Variants in LRP1B observed in about 807,000 individuals in gnomAD.
The protein encoded by LRP1B is LDL receptor related protein 1B, also known as low-density lipoprotein receptor-related protein 1B.
Under a neutral mutation model 556.6 loss-of-function variants are expected in LRP1B, and 217 were observed. That is an observed-to-expected ratio of 0.39 (90% CI 0.35 to 0.44). The LOEUF is 0.44. LRP1B is among the 20% of genes least tolerant of loss of function. The probability of loss-of-function intolerance (pLI) is 1.00; values close to 1 mark genes in which losing one functional copy is unlikely to be tolerated. For missense variants in LRP1B, 5,053 were observed against 5,620.8 expected, an observed-to-expected ratio of 0.90 and a Z score of 3.23; for synonymous variants, 2,047 against 1,865.8, an observed-to-expected ratio of 1.10 and a Z score of -2.50.
At chr2:140,536,347 A>AT (rs1690972386) in intron 46 of LRP1B, among the ~76,000 whole-genome samples, 1 of 129,352 alleles carries the variant, frequency 7.7e-6, no homozygotes, top group Non-Finnish European at 1.6e-5. Context: ...AAAAAAGGCT[A>AT]TTTTGTGGAT....
intron 41 of LRP1B, among the ~76,000 whole-genome samples, chr2:140,687,428 T>C (rs1338946477): frequency 6.6e-6 from 1 of 152,184 alleles, no homozygotes; most frequent in Non-Finnish European, 1.5e-5. Flanking sequence ...TATGCTATCC[T>C]AGGCGTTGCA....
Position 141,660,236 on chromosome 2 carries a change from C to T in LRP1B, c.205+150043G>A, listed in dbSNP as rs115368328. ...CTGGGAGCCGGAACAAGGGGAGCTC[C>T]CACCCCCAGCCAAGGGAGGCGGTGA... On this transcript the variant is annotated intron_variant, in intron 2 of 90. Transcript: ENST00000389484. Among the ~76,000 whole-genome samples, 486 of 152,170 alleles carry T rather than the reference C, an allele frequency of 3.2e-3. 4 individuals carry two copies. The highest frequency in any genetic ancestry group is 0.011 in the African/African-American group (468 of 41,530).
chr2:141,248,982 G>C (rs1304302166), intron 4 of LRP1B, among the ~76,000 whole-genome samples: 1 of 152,120 alleles, frequency 6.6e-6, no homozygotes, highest in African/African-American at 2.4e-5. Context: ...AGTGAAAATT[G>C]ATTGAATTTT....
intron 13 of LRP1B, among the ~76,000 whole-genome samples, chr2:141,015,142 A>G (rs1237801155): frequency 6.6e-6 from 1 of 152,096 alleles, no homozygotes; most frequent in Non-Finnish European, 1.5e-5. Flanking sequence ...CTCACAGCCA[A>G]CTGCATCATC....
At position 140,601,668 on chromosome 2, in the gene LRP1B, A is replaced by T. The variant is rs76357349; in HGVS notation, c.6800-29T>A. 7.5e-3 allele frequency: 11,256 copies of T among 1,493,920 alleles called. 79 individuals are homozygous for T. Among genetic ancestry groups the T allele is most frequent in the South Asian group, 0.017 (1,245 of 75,096 alleles). The allele number at this position is 1,493,920 out of a possible 1,614,324, so 92.5% of individuals were successfully genotyped here. A position where few individuals can be genotyped will look rare whatever the true frequency, so the allele number is the denominator to read the frequency against. On this transcript the variant is annotated intron_variant, in intron 41 of 90. Coordinates refer to ENST00000389484, the MANE Select transcript of LRP1B (RefSeq NM_018557.3). ...GTGGGGGAAGAAAAAGAAAAAATAT[A>T]TACTTTTATTTACAAAAAAATGACT...
Position 140,868,164 on chromosome 2 carries a change from A to C in LRP1B, c.4269T>G (p.Thr1423=), listed in dbSNP as rs1394676778. ...CAGTTAGTCCATTAGGCCAAGCCCCAGTTTTCATGTCTTTATAGATGGTTT... is the reference window on the plus strand; with the variant it reads ...CAGTTAGTCCATTAGGCCAAGCCCCCGTTTTCATGTCTTTATAGATGGTTT... ...GRKTIYKDMK[T]GAWPNGLTVD... is the part of the protein sequence containing the mutation. Residue 1423 remains threonine (T), a synonymous_variant, in exon 26 of 91, where the codon ACT becomes ACG. Coordinates refer to ENST00000389484, the MANE Select transcript of LRP1B (RefSeq NM_018557.3). The C allele has an allele frequency of 6.2e-7, 1 of 1,611,476 alleles. No homozygotes were observed. The highest frequency in any genetic ancestry group is 8.5e-7 in the Non-Finnish European group (1 of 1,178,782).
rs552517340 is a variant in LRP1B, at chr2:141,486,504, C to A, written c.206-5971G>T. Reference sequence around the variant, plus strand: ...ATGTTTTGTGGAGAGGGAAATTTTTCTTCTACTCTAATGGCAGACACAGGC... The same window carrying A: ...ATGTTTTGTGGAGAGGGAAATTTTTATTCTACTCTAATGGCAGACACAGGC... On this transcript the variant is annotated intron_variant, in intron 2 of 90. Coordinates refer to ENST00000389484, the MANE Select transcript of LRP1B (RefSeq NM_018557.3). 3.9e-5 allele frequency among the ~76,000 whole-genome samples: 6 copies of A among 152,144 alleles called. No individual in the cohort carries two copies. The South Asian group carries it at 1.2e-3, about 32-fold the overall frequency.
chr2:142,115,560 ATG>A (rs1215032160), intron 1 of LRP1B, among the ~76,000 whole-genome samples: 3 of 53,522 alleles, frequency 5.6e-5, no homozygotes, highest in African/African-American at 1.5e-4. Flanking sequence ...TATATTATAT[ATG>A]TAATATATAT....
intron 66 of LRP1B, among the ~76,000 whole-genome samples, chr2:140,397,851 T>A (rs1684319465): frequency 6.6e-6 from 1 of 152,214 alleles, no homozygotes; most frequent in Non-Finnish European, 1.5e-5. Flanking sequence ...TTTAGGGACA[T>A]TCACCACATT....
chr2:140,377,677 G>A (rs1208694666), intron 68 of LRP1B, among the ~76,000 whole-genome samples: 1 of 152,260 alleles, frequency 6.6e-6, no homozygotes, highest in Non-Finnish European at 1.5e-5. Context: ...ACTTAAAGCT[G>A]TGTGTACATA....
At chr2:140,588,775 C>T (rs112048493) in intron 43 of LRP1B, among the ~76,000 whole-genome samples, 5,551 of 152,078 alleles carry the variant, frequency 0.037, 143 homozygotes, top group Middle Eastern at 0.068. Flanking sequence ...CTGGCTAACA[C>T]GGTGAAACCC....
intron 2 of LRP1B, among the ~76,000 whole-genome samples, chr2:141,548,897 C>A (rs1189132114): frequency 6.6e-6 from 1 of 151,976 alleles, no homozygotes; most frequent in Non-Finnish European, 1.5e-5. Flanking sequence ...AACAATGCAA[C>A]ATAATCCCCT....
intron 1 of LRP1B, among the ~76,000 whole-genome samples, chr2:141,967,462 T>C (rs1237862938): frequency 6.6e-6 from 1 of 151,930 alleles, no homozygotes; most frequent in Non-Finnish European, 1.5e-5. Context: ...ATAACAGCAA[T>C]TTTTAACAGA....
chr2:141,952,728 C>A (rs558854290), intron 1 of LRP1B, among the ~76,000 whole-genome samples: 2 of 152,170 alleles, frequency 1.3e-5, no homozygotes, highest in South Asian at 4.1e-4. Flanking sequence ...ACAATTAAAC[C>A]CTTCCTTATC....
intron 32 of LRP1B, among the ~76,000 whole-genome samples, chr2:140,806,422 C>CA (rs2105020099): frequency 6.6e-6 from 1 of 152,124 alleles, no homozygotes; most frequent in South Asian, 2.1e-4. Context: ...AACACAACAA[C>CA]AAAAAGCATA....
At chr2:141,423,420 C>G (rs539939456) in intron 3 of LRP1B, among the ~76,000 whole-genome samples, 1 of 151,254 alleles carries the variant, frequency 6.6e-6, no homozygotes, top group African/African-American at 2.4e-5. Context: ...ACCAAAGCCA[C>G]TGGGAAAAGA....
At chr2:141,131,711 C>T (rs1701362724) in intron 7 of LRP1B, among the ~76,000 whole-genome samples, 1 of 151,822 alleles carries the variant, frequency 6.6e-6, no homozygotes, top group Admixed American at 6.6e-5. Context: ...TGTCTCCTCA[C>T]TGACAGAGGG....
chr2:141,656,909 G>A (rs899777184), intron 2 of LRP1B, among the ~76,000 whole-genome samples: 3 of 152,018 alleles, frequency 2.0e-5, no homozygotes, highest in Admixed American at 2.0e-4. Context: ...GGTGGGCTTA[G>A]AAGCAAATAC....
intron 3 of LRP1B, among the ~76,000 whole-genome samples, chr2:141,290,299 C>T (rs970571022): frequency 1.3e-5 from 2 of 152,076 alleles, no homozygotes; most frequent in African/African-American, 4.8e-5. Flanking sequence ...CAATATCGCC[C>T]ACTAAGTGTT....
Sources: allele counts gnomAD v4.1 joint callset (sites outside exome capture counted in the v4.1 genomes callset), GRCh38; gene constraint gnomAD v4.1.1; transcripts MANE v1.5; gene names NCBI Gene and HGNC (gene_info 2026-07-23, HGNC 2026-07-21).